The following ABTB3 variants were observed in gnomAD, a reference collection of about 807,000 sequenced individuals.
ABTB3 encodes ankyrin repeat- and BTB/POZ domain-containing protein 3.
At chr12:107,525,241 C>T in the ABTB3 span, among the ~76,000 whole-genome samples, 95 of 142,204 alleles carry the variant, frequency 6.7e-4, 1 homozygote, top group Non-Finnish European at 1.1e-3. Flanking sequence ...GTGGGAGGAT[C>T]GCTTGAGCAC....
At chr12:107,642,886 C>T in the ABTB3 span, among the ~76,000 whole-genome samples, 1 of 152,020 alleles carries the variant, frequency 6.6e-6, no homozygotes, top group Admixed American at 6.6e-5. Flanking sequence ...AGGAGCACCG[C>T]AGCTTTTTTC....
At chr12:107,589,009 G>A in the ABTB3 span, among the ~76,000 whole-genome samples, 8 of 152,236 alleles carry the variant, frequency 5.3e-5, no homozygotes, top group South Asian at 2.1e-4. Flanking sequence ...TGGCTGCACC[G>A]CTTACTCTCT....
chr12:107,329,652 T>G, the ABTB3 span, among the ~76,000 whole-genome samples: 1 of 152,254 alleles, frequency 6.6e-6, no homozygotes, highest in African/African-American at 2.4e-5. Flanking sequence ...GCAAGTTACC[T>G]AACCTCTCTG....
At chr12:107,373,671 G>A in the ABTB3 span, among the ~76,000 whole-genome samples, 2 of 152,124 alleles carry the variant, frequency 1.3e-5, no homozygotes, top group South Asian at 4.1e-4. Flanking sequence ...TATAGATAAA[G>A]CAACTAAAAT....
chr12:107,492,936 G>T, the ABTB3 span, among the ~76,000 whole-genome samples: 1 of 152,106 alleles, frequency 6.6e-6, no homozygotes, highest in Non-Finnish European at 1.5e-5. Flanking sequence ...GAAGAACTTT[G>T]TACTAGCAGT....
the ABTB3 span, among the ~76,000 whole-genome samples, chr12:107,586,477 TC>T: frequency 2.0e-5 from 3 of 151,924 alleles, no homozygotes; most frequent in African/African-American, 4.8e-5. Context: ...ATCCTGCAAC[TC>T]CCCACAGACT....
the ABTB3 span, among the ~76,000 whole-genome samples, chr12:107,554,192 G>A: frequency 6.6e-6 from 1 of 152,138 alleles, no homozygotes; most frequent in Non-Finnish European, 1.5e-5. Flanking sequence ...TTAAGTCTTT[G>A]ATCCTAAATT....
At chr12:107,331,598 G>C in the ABTB3 span, among the ~76,000 whole-genome samples, 1 of 152,160 alleles carries the variant, frequency 6.6e-6, no homozygotes, top group Admixed American at 6.5e-5. Flanking sequence ...CACAAGCGGT[G>C]GGGAAGCCTG....
At chr12:107,410,347 G>C in the ABTB3 span, among the ~76,000 whole-genome samples, 1 of 152,076 alleles carries the variant, frequency 6.6e-6, no homozygotes, top group Non-Finnish European at 1.5e-5. Context: ...GAGCTGAAGT[G>C]GGTTGTGGTA....
At chr12:107,617,257 T>G in the ABTB3 span, 5 of 1,610,258 alleles carry the variant, frequency 3.1e-6, no homozygotes, top group Non-Finnish European at 4.2e-6. Flanking sequence ...GTGACTATAT[T>G]TTTGCTTTAT....
chr12:107,510,278 A>G, the ABTB3 span, among the ~76,000 whole-genome samples: 1 of 152,058 alleles, frequency 6.6e-6, no homozygotes, highest in East Asian at 1.9e-4. Context: ...GTCAGGCAGG[A>G]CTTAGCAGAG....
the ABTB3 span, among the ~76,000 whole-genome samples, chr12:107,349,998 A>C: frequency 0.66 from 101,053 of 152,030 alleles, 35,368 homozygotes; most frequent in African/African-American, 0.91. Flanking sequence ...GAGATTGACA[A>C]TGCGAGAGCA....
At chr12:107,560,807 G>A in the ABTB3 span, among the ~76,000 whole-genome samples, 1 of 152,190 alleles carries the variant, frequency 6.6e-6, no homozygotes, top group African/African-American at 2.4e-5. Flanking sequence ...CATTGCACGT[G>A]CACTTGGCCA....
At chr12:107,597,681 G>T in the ABTB3 span, among the ~76,000 whole-genome samples, 4 of 152,218 alleles carry the variant, frequency 2.6e-5, no homozygotes, top group Admixed American at 2.6e-4. Flanking sequence ...ATGGCCAGCT[G>T]CCATAACAGA....
chr12:107,429,945 T>C, the ABTB3 span, among the ~76,000 whole-genome samples: 1 of 152,210 alleles, frequency 6.6e-6, no homozygotes, highest in Non-Finnish European at 1.5e-5. Context: ...AAATAGCATG[T>C]TTTATGTTCT....
At chr12:107,329,006 C>G in the ABTB3 span, among the ~76,000 whole-genome samples, 2 of 152,132 alleles carry the variant, frequency 1.3e-5, no homozygotes, top group African/African-American at 4.8e-5. Flanking sequence ...TCCATCAGAT[C>G]ACAGCGTAGC....
At chr12:107,355,614 A>G in the ABTB3 span, among the ~76,000 whole-genome samples, 1 of 152,198 alleles carries the variant, frequency 6.6e-6, no homozygotes, top group Non-Finnish European at 1.5e-5. Context: ...CAGGGAGAAT[A>G]TGATGTAAAG....
At chr12:107,403,706 C>T in the ABTB3 span, among the ~76,000 whole-genome samples, 2 of 152,124 alleles carry the variant, frequency 1.3e-5, no homozygotes, top group Non-Finnish European at 2.9e-5. Flanking sequence ...GAACACTTTG[C>T]AGTCAGGCTT....
the ABTB3 span, among the ~76,000 whole-genome samples, chr12:107,377,198 G>A: frequency 6.6e-6 from 1 of 152,180 alleles, no homozygotes; most frequent in South Asian, 2.1e-4. Context: ...ACTGATTGAT[G>A]TAGGGGTATA....
Sources: gnomAD v4.1 joint callset for allele counts (sites outside exome capture counted in the v4.1 genomes callset) on GRCh38, gnomAD v4.1.1 for gene constraint, MANE v1.5 for transcripts, NCBI Gene and HGNC (gene_info 2026-07-23, HGNC 2026-07-21) for gene names.